STPG2: variants seen among roughly 807,000 people sequenced by gnomAD.
STPG2 encodes the protein sperm tail PG-rich repeat containing 2.
Under a neutral mutation model 54.2 loss-of-function variants are expected in STPG2, and 56 were observed. That is an observed-to-expected ratio of 1.03 (90% confidence interval 0.83 to 1.29). The LOEUF is 1.29. Ranked by LOEUF, STPG2 falls within the 50% of genes most tolerant of loss-of-function variation. The pLI is 0.00. For missense variants in STPG2, 596 were observed against 544.9 expected, an observed-to-expected ratio of 1.09 and a Z score of -0.93; for synonymous variants, 200 against 181.8, an observed-to-expected ratio of 1.10 and a Z score of -0.81.
chr4:97,907,498 A>T (rs1360191972), intron 8 of STPG2, among the ~76,000 whole-genome samples: 1 of 152,104 alleles, frequency 6.6e-6, no homozygotes, highest in Admixed American at 6.5e-5. Flanking sequence ...GCCTTTCTTC[A>T]CAGAATTGGA....
In STPG2 at chr4:97,837,505, A is replaced by C. The variant is rs1728668975; in HGVS notation, c.1204+3268T>G. Among the ~76,000 whole-genome samples the C allele has an allele frequency of 2.0e-5, 3 of 151,802 alleles. No individual in the cohort carries two copies. In the Admixed American group the frequency reaches 2.0e-4, roughly 10 times the overall value. On this transcript the variant is annotated intron_variant, in intron 9 of 10. Coordinates refer to ENST00000295268, the MANE Select transcript of STPG2 (RefSeq NM_174952.3). ...AATTTCACTTACCGGAGTTGGATCA[A>C]TCACAAAATCAATTACATATCCATG...
rs891751856 is a variant in STPG2 at position 97,936,077 on chromosome 4, A to T, written c.1044+7820T>A. 3.9e-5 allele frequency among the ~76,000 whole-genome samples: 6 copies of T among 152,152 alleles called. 1 individual carries two copies. Among genetic ancestry groups the T allele is most frequent in the African/African-American group, 1.4e-4 (6 of 41,444 alleles). On this transcript the variant is annotated intron_variant, in intron 8 of 10. Coordinates refer to ENST00000295268, the MANE Select transcript of STPG2 (RefSeq NM_174952.3). ...CTGGGTGCTCCTGTATTGGGTGCATATATATTTAGGATAGTTAATTCTTCT... is the reference window on the plus strand; with the variant it reads ...CTGGGTGCTCCTGTATTGGGTGCATTTATATTTAGGATAGTTAATTCTTCT...
At chr4:97,926,159 G>A (rs1052227825) in intron 8 of STPG2, among the ~76,000 whole-genome samples, 1 of 151,998 alleles carries the variant, frequency 6.6e-6, no homozygotes, top group Non-Finnish European at 1.5e-5. Flanking sequence ...AGACAAGGAG[G>A]GTGTTACTCT....
At chr4:97,993,302 G>A (rs1735080686) in intron 5 of STPG2, among the ~76,000 whole-genome samples, 1 of 152,074 alleles carries the variant, frequency 6.6e-6, no homozygotes, top group South Asian at 2.1e-4. Flanking sequence ...AGGAATGCTG[G>A]ATTTTGTCAA....
chr4:97,460,269 C>G (rs978728029), intron 4 of STPG2, among the ~76,000 whole-genome samples: 1 of 152,160 alleles, frequency 6.6e-6, no homozygotes, highest in Middle Eastern at 3.4e-3. Flanking sequence ...TAGCTTCCTT[C>G]TCTGCTTTAT....
rs1730850949 is a variant in STPG2, at chr4:97,506,636, T to G, written c.462+206063A>C. 2.0e-5 allele frequency among the ~76,000 whole-genome samples: 3 copies of G among 151,916 alleles called. No individual in the cohort carries two copies. In the South Asian group the frequency reaches 6.2e-4, roughly 31 times the overall value. On this transcript the variant is annotated intron_variant, in intron 4 of 4. Coordinates refer to the STPG2 transcript ENST00000522676. ...GGAGAATTAAAATGCATTACAAAAGTAATACCAATCATAAAAGGAACCATA... is the reference window on the plus strand; with the variant it reads ...GGAGAATTAAAATGCATTACAAAAGGAATACCAATCATAAAAGGAACCATA...
intron 4 of STPG2, among the ~76,000 whole-genome samples, chr4:97,488,819 G>C (rs968219907): frequency 6.6e-6 from 1 of 151,714 alleles, no homozygotes; most frequent in Non-Finnish European, 1.5e-5. Flanking sequence ...GTAACTACAT[G>C]ATGGTCAAGA....
chr4:97,840,332 T>C (rs1364471579), intron 9 of STPG2, among the ~76,000 whole-genome samples: 1 of 151,634 alleles, frequency 6.6e-6, no homozygotes, highest in Non-Finnish European at 1.5e-5. Flanking sequence ...TTATTAGCTT[T>C]AGTAAAACTG....
At chr4:98,084,672 T>C (rs999712839) in intron 5 of STPG2, among the ~76,000 whole-genome samples, 1 of 152,198 alleles carries the variant, frequency 6.6e-6, no homozygotes, top group Admixed American at 6.5e-5. Context: ...TGCCTTGGTA[T>C]GTCACTGTCA....
chr4:97,731,839 C>T (rs967592102), intron 9 of STPG2, among the ~76,000 whole-genome samples: 6 of 152,306 alleles, frequency 3.9e-5, no homozygotes, highest in East Asian at 3.9e-4. Context: ...TCTGTGTGCA[C>T]GAACCTGGGG....
intron 4 of STPG2, among the ~76,000 whole-genome samples, chr4:98,108,580 G>A (rs1196612326): frequency 6.6e-6 from 1 of 151,900 alleles, no homozygotes; most frequent in Non-Finnish European, 1.5e-5. Context: ...GAGAATTCTG[G>A]GTCACCTTCT....
intron 10 of STPG2, among the ~76,000 whole-genome samples, chr4:97,630,145 C>G (rs1328807133): frequency 2.0e-5 from 3 of 151,782 alleles, no homozygotes; most frequent in Non-Finnish European, 4.4e-5. Flanking sequence ...TTTAAAAACA[C>G]AAAATGATGA....
chr4:97,588,245 A>T (rs1445136640), intron 10 of STPG2, among the ~76,000 whole-genome samples: 1 of 151,932 alleles, frequency 6.6e-6, no homozygotes, highest in African/African-American at 2.4e-5. Flanking sequence ...TCCTCAAAAG[A>T]CTGATAAATT....
At chr4:98,077,337 A>C (rs1042927244) in intron 5 of STPG2, among the ~76,000 whole-genome samples, 4 of 151,950 alleles carry the variant, frequency 2.6e-5, no homozygotes, top group Non-Finnish European at 4.4e-5. Context: ...TCTGCCTCCC[A>C]GTTCAAGCAA....
intron 10 of STPG2, among the ~76,000 whole-genome samples, chr4:97,641,409 A>G (rs947066580): frequency 4.1e-5 from 6 of 148,000 alleles, no homozygotes; most frequent in African/African-American, 1.6e-4. Flanking sequence ...GATACATCAT[A>G]GCACTTATGT....
At chr4:97,546,067 T>C (rs536369502) in intron 4 of STPG2, among the ~76,000 whole-genome samples, 1 of 152,082 alleles carries the variant, frequency 6.6e-6, no homozygotes, top group African/African-American at 2.4e-5. Flanking sequence ...GGTGGTCAAC[T>C]TAGTCATCTC....
chr4:98,081,950 G>A (rs35930270), intron 5 of STPG2, among the ~76,000 whole-genome samples: 310 of 152,302 alleles, frequency 2.0e-3, no homozygotes, highest in Admixed American at 3.3e-3. Context: ...AAAAGTTTAA[G>A]TGCAGTAAAT....
At chr4:97,863,743 A>C (rs1729650883) in intron 8 of STPG2, among the ~76,000 whole-genome samples, 1 of 152,218 alleles carries the variant, frequency 6.6e-6, no homozygotes, top group Admixed American at 6.5e-5. Context: ...CAAAAAGCTT[A>C]TCCACCATGG....
chr4:98,084,457 T>C (rs925439113), intron 5 of STPG2, among the ~76,000 whole-genome samples: 1 of 152,222 alleles, frequency 6.6e-6, no homozygotes, highest in African/African-American at 2.4e-5. Context: ...ACATATATTT[T>C]CATTTCTGTT....
Sources: allele counts gnomAD v4.1 joint callset (sites outside exome capture counted in the v4.1 genomes callset), GRCh38; gene constraint gnomAD v4.1.1; transcripts MANE v1.5; gene names NCBI Gene and HGNC (gene_info 2026-07-23, HGNC 2026-07-21).